Variants in CCDC127 observed in about 807,000 individuals in gnomAD.
CCDC127 encodes coiled-coil domain containing 127.
A neutral mutation model predicts 4.1 loss-of-function variants in CCDC127; 2 were observed. The ratio of observed to expected loss-of-function variants is 0.49; its 90% CI spans 0.20 to 1.53. The LOEUF is 1.53. CCDC127 is among the 40% of genes most tolerant of loss of function. The probability of loss-of-function intolerance (pLI) is 0.23; values close to 1 mark genes in which losing one functional copy is unlikely to be tolerated. For synonymous variants in CCDC127, 98 were observed against 120.4 expected (o/e 0.81, Z 1.22); for missense variants, 271 against 322.9 (o/e 0.84, Z 1.23).
rs924475795 is a variant in CCDC127 at position 196,902 on chromosome 5, G to T, written c.*8395C>A. On this transcript the variant is annotated 3_prime_UTR_variant, in exon 3 of 3. Transcript: ENST00000296824. ...ACAACAGTGGGCCCAGGGGACCGGC[G>T]CTCAGCATACCAAGGACCTGCACTG... is the stretch of plus-strand genomic sequence containing the variant. 3 of 150,046 alleles carry T rather than the reference G, an allele frequency of 2.0e-5. No individual in the cohort carries two copies. The highest frequency in any genetic ancestry group is 1.9e-4 in the East Asian group (1 of 5,148). The allele number at this position is 150,046 out of a possible 1,614,324, so 9.3% of individuals were successfully genotyped here. A position where few individuals can be genotyped will look rare whatever the true frequency, so the allele number is the denominator to read the frequency against.
At chr5:210,921 T>C (rs1734274235) in intron 2 of CCDC127, among the ~76,000 whole-genome samples, 1 of 69,728 alleles carries the variant, frequency 1.4e-5, no homozygotes, top group Admixed American at 1.4e-4. Context: ...GGGACAGCAC[T>C]GTGAGCACGC....
rs1483573006 is a variant in CCDC127 at position 198,371 on chromosome 5, AG to A, written c.*6925del. ...ACTTACTTCTAACTCTAAAGCACAG[AG>A]TGGCTGCCACTGCTTTGTGTCTGAA... On this transcript the variant is annotated 3_prime_UTR_variant, in exon 3 of 3. Coordinates refer to ENST00000296824, the MANE Select transcript of CCDC127 (RefSeq NM_145265.3). 2 of 152,228 alleles carry A rather than the reference AG, an allele frequency of 1.3e-5. No homozygotes were observed. Among genetic ancestry groups the A allele is most frequent in the African/African-American group, 4.8e-5 (2 of 41,452 alleles). The allele number at this position is 152,228 out of a possible 1,614,324, so 9.4% of individuals were successfully genotyped here.
At position 208,889 on chromosome 5, in the gene CCDC127, C is replaced by T. The variant is rs542639718; in HGVS notation, c.122-2931G>A. On this transcript the variant is annotated intron_variant, in intron 2 of 2. Transcript: ENST00000296824. ...TAGTACCAAGGGCCAGGACGGGTCA[C>T]ACTAAATGAACAAAGATGATCAACA... Among the ~76,000 whole-genome samples the T allele has an allele frequency of 8.5e-4, 129 of 152,346 alleles. No individual in the cohort carries two copies. In the Middle Eastern group the frequency reaches 0.014, roughly 16 times the overall value.
At chr5:208,246 G>A (rs1734216324) in intron 2 of CCDC127, among the ~76,000 whole-genome samples, 1 of 152,146 alleles carries the variant, frequency 6.6e-6, no homozygotes, top group African/African-American at 2.4e-5. Context: ...AGAGAAGGCA[G>A]ACTGGCTTGG....
Position 199,930 on chromosome 5 carries a change from T to C in CCDC127, c.*5367A>G, listed in dbSNP as rs548877369. The C allele has an allele frequency of 3.3e-5, 5 of 152,388 alleles. No homozygotes were observed. Among genetic ancestry groups the C allele is most frequent in the African/African-American group, 1.2e-4 (5 of 41,556 alleles). 9.4% of individuals were successfully genotyped at this position (152,388 alleles called of 1,614,324 possible). The stretch of plus-strand genomic sequence containing the variant: ...TGCTCCTGGAGCAGGACTTGACTCC[T>C]CTACCTGGACCAGGCAGGTCATGAA... On this transcript the variant is annotated 3_prime_UTR_variant, in exon 3 of 3. Transcript: ENST00000296824.
At chr5:208,321 C>T (rs1579359582) in intron 2 of CCDC127, among the ~76,000 whole-genome samples, 1 of 152,158 alleles carries the variant, frequency 6.6e-6, no homozygotes, top group African/African-American at 2.4e-5. Flanking sequence ...CCTCATAGAT[C>T]CCATACTTGG....
In CCDC127 at chr5:201,435, A is replaced by G. The variant is rs3810862; in HGVS notation, c.*3862T>C. On this transcript the variant is annotated 3_prime_UTR_variant, in exon 3 of 3. Coordinates refer to ENST00000296824, the MANE Select transcript of CCDC127 (RefSeq NM_145265.3). Reference sequence around the variant, plus strand: ...ATAACTTCTCTTTGAAAGAACACACAGATCATTTGGTGAAGTTTTTCCGTT... The same window carrying G: ...ATAACTTCTCTTTGAAAGAACACACGGATCATTTGGTGAAGTTTTTCCGTT... 0.48 allele frequency: 73,213 copies of G among 151,870 alleles called. 20,524 individuals are homozygous for G. Among genetic ancestry groups the G allele is most frequent in the Non-Finnish European group, 0.63 (42,909 of 67,842 alleles). 9.4% of individuals were successfully genotyped at this position (151,870 alleles called of 1,614,324 possible).
chr5:199,298 A>G lies in CCDC127; in HGVS notation c.*5999T>C, dbSNP rs1171357208. 2.6e-5 allele frequency: 4 copies of G among 154,146 alleles called. No homozygotes were observed. The highest frequency in any genetic ancestry group is 1.7e-4 in the South Asian group (1 of 5,872). The allele number at this position is 154,146 out of a possible 1,614,324, so 9.5% of individuals were successfully genotyped here. On this transcript the variant is annotated 3_prime_UTR_variant, in exon 3 of 3. Coordinates refer to ENST00000296824, the MANE Select transcript of CCDC127 (RefSeq NM_145265.3). ...AGGCCCAGTGGCCCCTGTGTGGTGG[A>G]CGTGGCCCCTCTGTGTGGTGGACGT...
In CCDC127 at chr5:196,913, C is replaced by G. The variant is rs1447805966; in HGVS notation, c.*8384G>C. 3.4e-5 allele frequency: 5 copies of G among 146,504 alleles called. No individual in the cohort carries two copies. 9.1% of individuals were successfully genotyped at this position (146,504 alleles called of 1,614,324 possible). On this transcript the variant is annotated 3_prime_UTR_variant, in exon 3 of 3. Transcript: ENST00000296824. ...CCCAGGGGACCGGCGCTCAGCATAC[C>G]AAGGACCTGCACTGGCACCGGCCTC...
intron 2 of CCDC127, among the ~76,000 whole-genome samples, chr5:210,483 C>G (rs945253281): frequency 1.3e-5 from 2 of 152,138 alleles, no homozygotes; most frequent in African/African-American, 4.8e-5. Context: ...GGCTGAAAGG[C>G]AAGAATACTC....
At position 198,795 on chromosome 5, in the gene CCDC127, G is replaced by T. The variant is rs996383290; in HGVS notation, c.*6502C>A. The T allele has an allele frequency of 2.0e-5, 3 of 152,274 alleles. No individual in the cohort carries two copies. The highest frequency in any genetic ancestry group is 7.2e-5 in the African/African-American group (3 of 41,460). 9.4% of individuals were successfully genotyped at this position (152,274 alleles called of 1,614,324 possible). On this transcript the variant is annotated 3_prime_UTR_variant, in exon 3 of 3. Coordinates refer to ENST00000296824, the MANE Select transcript of CCDC127 (RefSeq NM_145265.3). ...GCATGGCGTCTGTGGCCACACATCC[G>T]GCGTCTGCAGGGCCCAGGAGCACGC...
rs1734013547 is a variant in CCDC127, at chr5:198,671, C to CA, written c.*6625dup. 6.6e-6 allele frequency: 1 copy of CA among 152,362 alleles called. No individual in the cohort carries two copies. The highest frequency in any genetic ancestry group is 2.4e-5 in the African/African-American group (1 of 41,468). 9.4% of individuals were successfully genotyped at this position (152,362 alleles called of 1,614,324 possible). A position where few individuals can be genotyped will look rare whatever the true frequency, so the allele number is the denominator to read the frequency against. On this transcript the variant is annotated 3_prime_UTR_variant, in exon 3 of 3. Coordinates refer to ENST00000296824, the MANE Select transcript of CCDC127 (RefSeq NM_145265.3). ...CCTCGCCCGTCCTGTGCAGGTCTCG[C>CA]ACTTGCTCCTACTGAACTGATCGGC...
rs1325256476 is a variant in CCDC127, at chr5:197,027, G to GCGA, written c.*8269_*8270insTCG. ...CAGGGTGATAATAAGGAGGAGGTCA[G>GCGA]CAAAAACGTGTGAGCAAAAGAATCT... On this transcript the variant is annotated 3_prime_UTR_variant, in exon 3 of 3. Transcript: ENST00000296824. 1 of 149,092 alleles carries GCGA rather than the reference G, an allele frequency of 6.7e-6. No homozygotes were observed. Among genetic ancestry groups the GCGA allele is most frequent in the African/African-American group, 2.6e-5 (1 of 38,798 alleles). The allele number at this position is 149,092 out of a possible 1,614,324, so 9.2% of individuals were successfully genotyped here. A position where few individuals can be genotyped will look rare whatever the true frequency, so the allele number is the denominator to read the frequency against.
Position 198,447 on chromosome 5 carries a change from G to GC in CCDC127, c.*6849dup, listed in dbSNP as rs1456270234. The GC allele has an allele frequency of 6.6e-6, 1 of 152,354 alleles. No homozygotes were observed. Among genetic ancestry groups the GC allele is most frequent in the Admixed American group, 6.5e-5 (1 of 15,294 alleles). The allele number at this position is 152,354 out of a possible 1,614,324, so 9.4% of individuals were successfully genotyped here. ...GGGCGGCATGATGACCAACCTTAAG[G>GC]CCTGTGGCAGTGGAGAAGGGCCCAG... On this transcript the variant is annotated 3_prime_UTR_variant, in exon 3 of 3. Coordinates refer to ENST00000296824, the MANE Select transcript of CCDC127 (RefSeq NM_145265.3).
chr5:201,476 T>C lies in CCDC127; in HGVS notation c.*3821A>G, dbSNP rs1304054894. The C allele has an allele frequency of 6.6e-6, 1 of 152,188 alleles. No homozygotes were observed. The highest frequency in any genetic ancestry group is 1.5e-5 in the Non-Finnish European group (1 of 68,038). The allele number at this position is 152,188 out of a possible 1,614,324, so 9.4% of individuals were successfully genotyped here. ...TTTTTCCGTTGAAACACCCCATAAT[T>C]GGTGCAAGGTTTGCAGAACAATTTT... On this transcript the variant is annotated 3_prime_UTR_variant, in exon 3 of 3. Transcript: ENST00000296824.
intron 1 of CCDC127, chr5:217,348 G>A (rs1301819499): frequency 1.3e-5 from 2 of 158,202 alleles, no homozygotes; most frequent in Admixed American, 1.2e-4. Context: ...GAGGTGCTCA[G>A]ATACATGGTT....
intron 2 of CCDC127, among the ~76,000 whole-genome samples, chr5:209,780 G>T (rs1734242790): frequency 6.6e-6 from 1 of 152,364 alleles, no homozygotes; most frequent in African/African-American, 2.4e-5. Flanking sequence ...ACGGCCACGT[G>T]GGGATTGCTC....
At position 204,935 on chromosome 5, in the gene CCDC127, G is replaced by C. The variant is rs1734138572; in HGVS notation, c.*362C>G. 1 of 174,694 alleles carries C rather than the reference G, an allele frequency of 5.7e-6. No homozygotes were observed. Among genetic ancestry groups the C allele is most frequent in the Non-Finnish European group, 1.2e-5 (1 of 83,746 alleles). The allele number at this position is 174,694 out of a possible 1,614,324, so 10.8% of individuals were successfully genotyped here. A position where few individuals can be genotyped will look rare whatever the true frequency, so the allele number is the denominator to read the frequency against. ...TTTGAGGAGAAAGTATTTAGGGAGT[G>C]ATGAAACAGACAGAAAATTACTTGT... On this transcript the variant is annotated 3_prime_UTR_variant, in exon 3 of 3. Transcript: ENST00000296824.
At chr5:215,024 C>T (rs1734352370) in intron 2 of CCDC127, 1 of 150,326 alleles carries the variant, frequency 6.7e-6, no homozygotes, top group South Asian at 2.1e-4. Context: ...AAGACTCCGT[C>T]TCGAAAAAAA....
Sources: allele counts gnomAD v4.1 joint callset (sites outside exome capture counted in the v4.1 genomes callset), GRCh38; gene constraint gnomAD v4.1.1; transcripts MANE v1.5; gene names NCBI Gene and HGNC (gene_info 2026-07-23, HGNC 2026-07-21).